The following MICU3 variants were observed in gnomAD, a reference collection of about 807,000 sequenced individuals.
MICU3 encodes mitochondrial calcium uptake 3, also known as calcium uptake protein 3, mitochondrial.
MICU3 carries 62 observed loss-of-function variants against 66.5 expected under a neutral mutation model. That is an observed-to-expected ratio of 0.93 (90% CI 0.76 to 1.15). The LOEUF (loss-of-function observed/expected upper bound fraction) is 1.15, where lower values mean the gene tolerates loss of function less well. Among genes scored for constraint, MICU3 ranks in the 50% most tolerant of loss-of-function variants. The pLI, the probability that MICU3 is intolerant of heterozygous loss-of-function variation, is 0.00. For synonymous variants in MICU3, 308 were observed against 240.7 expected (o/e 1.28, Z -2.59); for missense variants, 779 against 664.4 (o/e 1.17, Z -1.90).
intron 1 of MICU3, among the ~76,000 whole-genome samples, chr8:17,038,588 T>G (rs1040019564): frequency 1.3e-5 from 2 of 152,212 alleles, no homozygotes; most frequent in Admixed American, 6.5e-5. Context: ...TTGGAGAAGT[T>G]CTACTGTGAG....
chr8:17,132,589 T>C, the MICU3 span: 1 of 152,196 alleles, frequency 6.6e-6, no homozygotes, highest in African/African-American at 2.4e-5. Flanking sequence ...CTCCACCTAG[T>C]AGAGCAATCC....
the MICU3 span, among the ~76,000 whole-genome samples, chr8:17,136,917 C>A: frequency 6.6e-6 from 1 of 151,774 alleles, no homozygotes; most frequent in Admixed American, 6.6e-5. Context: ...TCACTGCAAC[C>A]TCCACCTCCT....
chr8:17,126,851 G>T (rs1393661463), downstream of MICU3, among the ~76,000 whole-genome samples: 1 of 152,116 alleles, frequency 6.6e-6, no homozygotes, highest in Non-Finnish European at 1.5e-5. Context: ...GGAAAGAATT[G>T]AGAAAGGAAC....
chr8:17,059,511 G>T (rs72607366), intron 1 of MICU3, among the ~76,000 whole-genome samples: 24,418 of 152,078 alleles, frequency 0.16, 2,895 homozygotes, highest in East Asian at 0.6. Context: ...TACCACTCTA[G>T]CAATAAGGCA....
the MICU3 span, among the ~76,000 whole-genome samples, chr8:17,136,179 G>A: frequency 6.6e-6 from 1 of 151,962 alleles, no homozygotes. Flanking sequence ...GTTACAGCAG[G>A]GAAAATTATA....
At chr8:17,070,592 T>C (rs1419669511) in intron 3 of MICU3, among the ~76,000 whole-genome samples, 1 of 152,000 alleles carries the variant, frequency 6.6e-6, no homozygotes, top group African/African-American at 2.4e-5. Flanking sequence ...TAACTATTTC[T>C]TAACTTTAAA....
intron 11 of MICU3, among the ~76,000 whole-genome samples, chr8:17,111,371 G>T (rs1185621476): frequency 6.6e-6 from 1 of 151,790 alleles, no homozygotes; most frequent in African/African-American, 2.4e-5. Flanking sequence ...TACCCAGGCA[G>T]GAGTGCAGTG....
intron 11 of MICU3, among the ~76,000 whole-genome samples, chr8:17,112,633 A>G (rs2150828972): frequency 6.6e-6 from 1 of 152,336 alleles, no homozygotes; most frequent in South Asian, 2.1e-4. Flanking sequence ...TGTGTTGAAA[A>G]ATCTGAAAGT....
In MICU3 at chr8:17,064,137, G is replaced by A. The variant is rs1460412912; in HGVS notation, c.435G>A (p.Arg145=). The A allele has an allele frequency of 6.2e-7, 1 of 1,613,284 alleles. No homozygotes were observed. The highest frequency in any genetic ancestry group is 8.5e-7 in the Non-Finnish European group (1 of 1,179,462). Residue 145 remains arginine (R), a synonymous_variant, in exon 2 of 15, where the codon CGG becomes CGA. Transcript: ENST00000318063. The part of the protein sequence containing the change: ...IEDLDLYATS[R]ERRFRLFASI... ...ACTTAGACCTTTATGCCACATCTCG[G>A]GAGAGGCGATTTCGTTTATTTGCTT...
At chr8:17,127,275 A>G (rs982383178), downstream of MICU3, among the ~76,000 whole-genome samples, 8 of 152,164 alleles carry the variant, frequency 5.3e-5, no homozygotes, top group Non-Finnish European at 1.0e-4. Context: ...TATCTTATGT[A>G]CCATTTGTGC....
intron 1 of MICU3, among the ~76,000 whole-genome samples, chr8:17,037,351 G>T (rs1053606709): frequency 6.6e-6 from 1 of 152,226 alleles, no homozygotes; most frequent in Non-Finnish European, 1.5e-5. Flanking sequence ...AGCGAGGACT[G>T]TGAAGACTGC....
chr8:17,103,751 G>T (rs1801485731), intron 9 of MICU3, among the ~76,000 whole-genome samples: 1 of 151,820 alleles, frequency 6.6e-6, no homozygotes, highest in Admixed American at 6.6e-5. Flanking sequence ...AAATCCTCTG[G>T]AATTAATTTT....
intron 3 of MICU3, among the ~76,000 whole-genome samples, chr8:17,070,574 T>G (rs550141877): frequency 2.6e-5 from 4 of 152,162 alleles, no homozygotes; most frequent in African/African-American, 9.6e-5. Flanking sequence ...ATTTTCTATT[T>G]TTTAAGTTAA....
intron 1 of MICU3, among the ~76,000 whole-genome samples, chr8:17,050,752 C>A (rs554195390): frequency 6.6e-6 from 1 of 152,080 alleles, no homozygotes; most frequent in Non-Finnish European, 1.5e-5. Flanking sequence ...ACTCTTAATT[C>A]CATGTATTTT....
chr8:17,037,297 G>A (rs934569357), intron 1 of MICU3, among the ~76,000 whole-genome samples: 16 of 152,352 alleles, frequency 1.1e-4, no homozygotes, highest in Admixed American at 2.6e-4. Flanking sequence ...AGCTCCTCAA[G>A]TGCTGCCAAA....
chr8:17,064,091 T>C lies in MICU3; in HGVS notation c.389T>C (p.Ile130Thr), dbSNP rs1818298706. The C allele has an allele frequency of 1.3e-5, 21 of 1,608,942 alleles. No homozygotes were observed. The highest frequency in any genetic ancestry group is 1.8e-5 in the Non-Finnish European group (21 of 1,177,404). The change falls in exon 2 of 15, where the codon ATT becomes ACT. Residue 130 changes from isoleucine (I) to threonine (T), a missense_variant. Physicochemically the swap from Ile to Thr is moderately conservative, Grantham distance 89. Coordinates refer to ENST00000318063, the MANE Select transcript of MICU3 (RefSeq NM_181723.3). ...TTGCTTTCTTAACTTTAGGTTGCTATTGGCAGAACAGACATTGAAGACTTA... is the reference window on the plus strand; with the variant it reads ...TTGCTTTCTTAACTTTAGGTTGCTACTGGCAGAACAGACATTGAAGACTTA... Reference protein sequence around the residue: ...PVAAAKETVAIGRTDIEDLDL... With the variant: ...PVAAAKETVATGRTDIEDLDL...
intron 11 of MICU3, among the ~76,000 whole-genome samples, chr8:17,112,376 T>C (rs1015691881): frequency 1.3e-5 from 2 of 152,176 alleles, no homozygotes; most frequent in African/African-American, 2.4e-5. Context: ...GTCCTGATGG[T>C]TTATTCCAGT....
At chr8:17,053,863 A>C (rs1357968618) in intron 1 of MICU3, among the ~76,000 whole-genome samples, 1 of 152,200 alleles carries the variant, frequency 6.6e-6, no homozygotes, top group Non-Finnish European at 1.5e-5. Context: ...AATTCCCATA[A>C]AATAATTTCC....
chr8:17,084,720 G>A (rs1408677808), intron 5 of MICU3, among the ~76,000 whole-genome samples: 6 of 152,024 alleles, frequency 3.9e-5, no homozygotes, highest in African/African-American at 9.7e-5. Flanking sequence ...TTGTATTTTG[G>A]GGGAATTGAT....
Sources: allele counts gnomAD v4.1 joint callset (sites outside exome capture counted in the v4.1 genomes callset), GRCh38; gene constraint gnomAD v4.1.1; transcripts MANE v1.5; gene names NCBI Gene and HGNC (gene_info 2026-07-23, HGNC 2026-07-21).